The following TNIK variants were observed in gnomAD, a reference collection of about 807,000 sequenced individuals.
TNIK encodes the protein TRAF2 and NCK interacting kinase, also known as TRAF2 and NCK-interacting protein kinase.
In TNIK, 49 loss-of-function variants were observed where a neutral mutation model predicts 191.3. The ratio of observed to expected loss-of-function variants is 0.26; its 90% confidence interval spans 0.20 to 0.32. The LOEUF is 0.32. Ranked by LOEUF, TNIK falls within the 10% of genes least tolerant of loss-of-function variation. TNIK has a pLI of 1.00. For missense variants in TNIK, 1,155 were observed against 1,702.3 expected (o/e 0.68, Z 5.66); for synonymous variants, 594 against 600.9 (o/e 0.99, Z 0.17).
intron 1 of TNIK, among the ~76,000 whole-genome samples, chr3:171,376,902 A>G (rs964285771): frequency 6.6e-6 from 1 of 152,224 alleles, no homozygotes; most frequent in African/African-American, 2.4e-5. Flanking sequence ...GACTGGTCCA[A>G]AACAATTAGG....
intron 2 of TNIK, among the ~76,000 whole-genome samples, chr3:171,320,896 G>A (rs1247288860): frequency 6.6e-6 from 1 of 152,118 alleles, no homozygotes; most frequent in Non-Finnish European, 1.5e-5. Flanking sequence ...CCTAAACACA[G>A]GACTGGCTGT....
intron 2 of TNIK, among the ~76,000 whole-genome samples, chr3:171,234,770 G>A (rs1245465208): frequency 1.3e-5 from 2 of 152,202 alleles, no homozygotes; most frequent in Non-Finnish European, 2.9e-5. Context: ...GTGGCAGGGA[G>A]CCTAATGCCT....
At chr3:171,278,636 G>T (rs1470888879) in intron 2 of TNIK, among the ~76,000 whole-genome samples, 2 of 152,156 alleles carry the variant, frequency 1.3e-5, no homozygotes, top group Non-Finnish European at 1.5e-5. Context: ...GAAAGTAAGT[G>T]ATAGTCTGCT....
At chr3:171,176,774 C>G (rs546765333) in intron 8 of TNIK, among the ~76,000 whole-genome samples, 14 of 152,340 alleles carry the variant, frequency 9.2e-5, no homozygotes, top group African/African-American at 3.4e-4. Context: ...GTCTGTGAGG[C>G]ACAGTCTCAT....
At chr3:171,087,105 G>A (rs1721456899) in intron 24 of TNIK, among the ~76,000 whole-genome samples, 1 of 152,156 alleles carries the variant, frequency 6.6e-6, no homozygotes, top group Non-Finnish European at 1.5e-5. Flanking sequence ...CAACCTCTGT[G>A]AACCTCAGTA....
chr3:171,188,242 T>A (rs867446050), intron 7 of TNIK, among the ~76,000 whole-genome samples: 74 of 152,252 alleles, frequency 4.9e-4, no homozygotes, highest in African/African-American at 1.8e-3. Context: ...TGATTCCCTC[T>A]CATGAAAAAG....
intron 2 of TNIK, among the ~76,000 whole-genome samples, chr3:171,298,980 G>C (rs1046940570): frequency 1.3e-5 from 2 of 152,150 alleles, no homozygotes; most frequent in African/African-American, 2.4e-5. Flanking sequence ...ATAGGCCATA[G>C]AGGCAAAGCT....
intron 2 of TNIK, among the ~76,000 whole-genome samples, chr3:171,303,048 A>T (rs191412370): frequency 1.8e-3 from 277 of 152,348 alleles, no homozygotes; most frequent in African/African-American, 6.1e-3. Context: ...AATTGCTTAT[A>T]ACAAAGCCAG....
intron 1 of TNIK, among the ~76,000 whole-genome samples, chr3:171,451,978 C>T (rs368808422): frequency 1.3e-5 from 2 of 152,202 alleles, no homozygotes; most frequent in South Asian, 2.1e-4. Flanking sequence ...GTAACATATG[C>T]AATGTATTGT....
intron 2 of TNIK, among the ~76,000 whole-genome samples, chr3:171,229,992 A>C (rs1743419076): frequency 6.6e-6 from 1 of 152,054 alleles, no homozygotes; most frequent in Non-Finnish European, 1.5e-5. Flanking sequence ...TCATTTCCCC[A>C]TCTACAAAAC....
intron 4 of TNIK, among the ~76,000 whole-genome samples, chr3:171,209,810 C>A (rs1053724536): frequency 2.0e-5 from 3 of 151,988 alleles, no homozygotes; most frequent in Non-Finnish European, 4.4e-5. Flanking sequence ...ACATGAAAAT[C>A]TTGTTAGTTT....
intron 1 of TNIK, among the ~76,000 whole-genome samples, chr3:171,413,481 C>T (rs925074465): frequency 6.6e-6 from 1 of 152,172 alleles, no homozygotes; most frequent in Non-Finnish European, 1.5e-5. Flanking sequence ...CCCACCTCTG[C>T]ATCTTTGCAC....
chr3:171,319,213 G>C (rs976378795), intron 2 of TNIK, among the ~76,000 whole-genome samples: 1 of 151,842 alleles, frequency 6.6e-6, no homozygotes, highest in Non-Finnish European at 1.5e-5. Context: ...AAAATTACAT[G>C]CAAAAACACC....
At chr3:171,206,574 A>C (rs2108890830) in intron 4 of TNIK, among the ~76,000 whole-genome samples, 1 of 152,150 alleles carries the variant, frequency 6.6e-6, no homozygotes, top group East Asian at 1.9e-4. Flanking sequence ...AATGGACTGA[A>C]GATTTTGCTC....
At chr3:171,180,761 CTCTTT>C (rs1299339151) in intron 7 of TNIK, among the ~76,000 whole-genome samples, 1 of 152,206 alleles carries the variant, frequency 6.6e-6, no homozygotes, top group African/African-American at 2.4e-5. Flanking sequence ...TAGGCCAGTT[CTCTTT>C]TAACTAGCAT....
At chr3:171,134,584 TC>T (rs956895960) in intron 15 of TNIK, among the ~76,000 whole-genome samples, 68 of 152,302 alleles carry the variant, frequency 4.5e-4, no homozygotes, top group African/African-American at 1.4e-3. Context: ...CGTGCCTGGC[TC>T]CAAGCTGTCT....
At position 171,059,274 on chromosome 3, in the gene TNIK, A is replaced by G. The variant is rs1328673362; in HGVS notation, c.*4607T>C. On this transcript the variant is annotated 3_prime_UTR_variant, in exon 33 of 33. Coordinates refer to ENST00000436636, the MANE Select transcript of TNIK (RefSeq NM_015028.4). ...GTCATCATGGACTCAGAAGAATCCA[A>G]GATTTTGATCTAGATTTAAAATAAC... Among the ~76,000 whole-genome samples, 2 of 152,210 alleles carry G rather than the reference A, an allele frequency of 1.3e-5. No homozygotes were observed. Among genetic ancestry groups the G allele is most frequent in the African/African-American group, 4.8e-5 (2 of 41,468 alleles).
At chr3:171,065,756 A>G (rs957449774) in intron 32 of TNIK, among the ~76,000 whole-genome samples, 1 of 152,184 alleles carries the variant, frequency 6.6e-6, no homozygotes, top group Non-Finnish European at 1.5e-5. Flanking sequence ...AAAAGCTTAT[A>G]TTTCTAAACG....
chr3:171,122,969 C>A (rs1205067927), intron 18 of TNIK, among the ~76,000 whole-genome samples: 1 of 152,218 alleles, frequency 6.6e-6, no homozygotes, highest in East Asian at 1.9e-4. Flanking sequence ...ATGCAACTTT[C>A]TGACTGTAGG....
Sources: gnomAD v4.1 joint callset for allele counts (sites outside exome capture counted in the v4.1 genomes callset) on GRCh38, gnomAD v4.1.1 for gene constraint, MANE v1.5 for transcripts, NCBI Gene and HGNC (gene_info 2026-07-23, HGNC 2026-07-21) for gene names.